The following LGI1 variants were observed in gnomAD, a reference collection of about 807,000 sequenced individuals.
LGI1 encodes leucine-rich glioma-inactivated protein 1.
A neutral mutation model predicts 57.7 loss-of-function variants in LGI1; 11 were observed. The observed-to-expected ratio is 0.19, with a 90% CI of 0.12 to 0.32. LGI1 has a LOEUF of 0.32. Ranked by LOEUF, LGI1 falls within the 10% of genes least tolerant of loss-of-function variation. The pLI is 1.00. For synonymous variants in LGI1, 222 were observed against 241.9 expected (o/e 0.92, Z 0.76); for missense variants, 422 against 661.9 (o/e 0.64, Z 3.98).
intron 4 of LGI1, chr10:93,783,108 T>C (rs1360436286): frequency 1.3e-5 from 2 of 152,370 alleles, no homozygotes; most frequent in Admixed American, 6.5e-5. Flanking sequence ...CCAGGTGCGG[T>C]GGCTCACGCC....
At chr10:93,768,861 C>G (rs529399324) in intron 2 of LGI1, 38 of 152,236 alleles carry the variant, frequency 2.5e-4, no homozygotes, top group African/African-American at 8.7e-4. Context: ...CTGGAGTACC[C>G]CCAACCCTCA....
intron 4 of LGI1, among the ~76,000 whole-genome samples, chr10:93,788,104 A>G (rs573872994): frequency 2.2e-4 from 34 of 152,220 alleles, no homozygotes; most frequent in Admixed American, 1.4e-3. Flanking sequence ...AGGAAGGGAC[A>G]TCCACTTAGA....
intron 4 of LGI1, among the ~76,000 whole-genome samples, chr10:93,785,295 C>T (rs1240903339): frequency 6.6e-6 from 1 of 152,152 alleles, no homozygotes; most frequent in Non-Finnish European, 1.5e-5. Flanking sequence ...GTGGTCTTAA[C>T]ACATAAGGTT....
At chr10:93,773,555 G>A (rs990048513) in intron 2 of LGI1, among the ~76,000 whole-genome samples, 2 of 152,152 alleles carry the variant, frequency 1.3e-5, no homozygotes, top group African/African-American at 4.8e-5. Flanking sequence ...ATTATTCAAA[G>A]AATAAGCTAG....
Position 93,777,629 on chromosome 10 carries a change from T to C in LGI1, c.431+12T>C. The C allele has an allele frequency of 6.2e-7, 1 of 1,601,702 alleles. No individual in the cohort carries two copies. On this transcript the variant is annotated intron_variant, in intron 4 of 7. Coordinates refer to ENST00000371418, the MANE Select transcript of LGI1 (RefSeq NM_005097.4). Reference sequence around the variant, plus strand: ...TCATTAATTCACTTGTAAGTATGAATGTTGCTATTACTTTTTAAGCTTGCT... The same window carrying C: ...TCATTAATTCACTTGTAAGTATGAACGTTGCTATTACTTTTTAAGCTTGCT...
intron 4 of LGI1, among the ~76,000 whole-genome samples, chr10:93,783,338 T>C (rs1027735451): frequency 1.3e-5 from 2 of 152,174 alleles, no homozygotes; most frequent in Admixed American, 6.5e-5. Context: ...ATCGCGCCAC[T>C]GCACTCCAGC....
intron 4 of LGI1, 63 bp from the exon 5 acceptor site, chr10:93,790,036 C>T: frequency 6.9e-7 from 1 of 1,457,838 alleles, no homozygotes; most frequent in Non-Finnish European, 9.4e-7. Context: ...TAAGCTTTAT[C>T]ATTAAATGCC....
At position 93,758,412 on chromosome 10, in the gene LGI1, G is replaced by A. The variant is rs764204614; in HGVS notation, c.215+53G>A. 1.5e-4 allele frequency: 229 copies of A among 1,526,874 alleles called. No homozygotes were observed. Among genetic ancestry groups the A allele is most frequent in the Non-Finnish European group, 1.2e-4 (137 of 1,102,880 alleles). 94.6% of individuals were successfully genotyped at this position (1,526,874 alleles called of 1,614,324 possible). A position where few individuals can be genotyped will look rare whatever the true frequency, so the allele number is the denominator to read the frequency against. Reference sequence around the variant, plus strand: ...AATTTACGATTTAAAAATTCCAGCCGGTGGATTTGGGGCTTTGCATGTATT... The same window carrying A: ...AATTTACGATTTAAAAATTCCAGCCAGTGGATTTGGGGCTTTGCATGTATT... On this transcript the variant is annotated intron_variant, in intron 1 of 7. Coordinates refer to ENST00000371418, the MANE Select transcript of LGI1 (RefSeq NM_005097.4). The surrounding 1 kb of genome is among the most constrained non-coding windows in gnomAD (Gnocchi z 4.7).
intron 2 of LGI1, chr10:93,764,187 T>C (rs2059650699): frequency 6.6e-6 from 1 of 152,172 alleles, no homozygotes; most frequent in Non-Finnish European, 1.5e-5. Context: ...TCCAAGCTGG[T>C]AGTGATTCTT....
rs201081122 is a variant in LGI1 at position 93,797,000 on chromosome 10, A to G, written c.871A>G (p.Ile291Val). The G allele has an allele frequency of 3.1e-6, 5 of 1,613,996 alleles. No individual in the cohort carries two copies. The highest frequency in any genetic ancestry group is 3.4e-6 in the Non-Finnish European group (4 of 1,180,016). ...CACTGTAGTATGCAAGCCTATAGTC[A>G]TTGAAACTCAGCTCTATGTTATTGT... ...TSTVVCKPIV[I>V]ETQLYVIVAQ... Residue 291 changes from isoleucine to valine, a missense_variant, in exon 8 of 8, where the codon ATT (isoleucine) becomes GTT (valine). By Grantham distance (29) the Ile-to-Val change is conservative. Coordinates refer to ENST00000371418, the MANE Select transcript of LGI1 (RefSeq NM_005097.4).
chr10:93,778,035 T>C (rs1406887219), intron 4 of LGI1, among the ~76,000 whole-genome samples: 1 of 152,200 alleles, frequency 6.6e-6, no homozygotes, highest in Non-Finnish European at 1.5e-5. Context: ...GATCAACTTG[T>C]TTATCAGTGA....
chr10:93,762,598 T>C (rs1357084754), intron 2 of LGI1: 1 of 152,208 alleles, frequency 6.6e-6, no homozygotes, highest in African/African-American at 2.4e-5. Flanking sequence ...GAGGAATTAT[T>C]AGCTGGTTAT....
At position 93,758,535 on chromosome 10, in the gene LGI1, T is replaced by C. The variant is rs1031929281; in HGVS notation, c.215+176T>C. ...TAGAATTTTTGATTTTTTTAGCTGC[T>C]ACTGAACATGCTTAGATACCCCCAG... On this transcript the variant is annotated intron_variant, in intron 1 of 7. Coordinates refer to ENST00000371418, the MANE Select transcript of LGI1 (RefSeq NM_005097.4). This position sits in a 1 kb window ranked among gnomAD's most constrained non-coding sequence, Gnocchi z 4.7. 6.7e-6 allele frequency: 5 copies of C among 743,270 alleles called. No homozygotes were observed. Among genetic ancestry groups the C allele is most frequent in the African/African-American group, 3.5e-5 (2 of 57,404 alleles). 46.0% of individuals were successfully genotyped at this position (743,270 alleles called of 1,614,324 possible). A position where few individuals can be genotyped will look rare whatever the true frequency, so the allele number is the denominator to read the frequency against.
At chr10:93,776,701 A>ATGGC (rs763457304) in intron 2 of LGI1, among the ~76,000 whole-genome samples, 2 of 152,128 alleles carry the variant, frequency 1.3e-5, no homozygotes, top group Non-Finnish European at 2.9e-5. Context: ...AGGGTGTGGG[A>ATGGC]TGGCTGATTG....
At chr10:93,771,186 G>A (rs141134580) in intron 2 of LGI1, 3 of 152,200 alleles carry the variant, frequency 2.0e-5, no homozygotes, top group Admixed American at 2.0e-4. Flanking sequence ...AAAGCCTTGG[G>A]TAAATTTGGG....
At chr10:93,793,420 G>C in intron 7 of LGI1, 70 bp downstream of exon 7, 1 of 1,291,926 alleles carries the variant, frequency 7.7e-7, no homozygotes, top group East Asian at 2.3e-5. Context: ...AAGGAAAGAT[G>C]AGTGGTATAG....
chr10:93,781,219 C>T (rs1021047666), intron 4 of LGI1, among the ~76,000 whole-genome samples: 2 of 151,854 alleles, frequency 1.3e-5, no homozygotes, highest in African/African-American at 4.8e-5. Context: ...ATTAGCCGGG[C>T]GTGGTGGTGG....
At chr10:93,773,400 T>C (rs1483922470) in intron 2 of LGI1, among the ~76,000 whole-genome samples, 1 of 152,004 alleles carries the variant, frequency 6.6e-6, no homozygotes, top group Non-Finnish European at 1.5e-5. Flanking sequence ...TCAAGGAAAG[T>C]GTTTGGTAGC....
rs1204389132 is a variant in LGI1 at position 93,759,831 on chromosome 10, G to A, written c.287+1000G>A. ...CAGAGGCAAACAGCATGGAGTGGAC[G>A]TTGGAGAGACAAGTGTTTAAACCTC... is the stretch of plus-strand genomic sequence containing the variant. On this transcript the variant is annotated intron_variant, in intron 2 of 7. Coordinates refer to ENST00000371418, the MANE Select transcript of LGI1 (RefSeq NM_005097.4). 7.9e-5 allele frequency among the ~76,000 whole-genome samples: 12 copies of A among 152,302 alleles called. No homozygotes were observed. The East Asian group carries it at 1.7e-3, about 22-fold the overall frequency.
Sources: allele counts gnomAD v4.1 joint callset (sites outside exome capture counted in the v4.1 genomes callset), GRCh38; gene constraint gnomAD v4.1.1; non-coding constraint Gnocchi (gnomAD v3.1); transcripts MANE v1.5; gene names NCBI Gene and HGNC (gene_info 2026-07-23, HGNC 2026-07-21).